Variants in PDLIM5 observed in about 807,000 individuals in gnomAD.
PDLIM5 encodes PDZ and LIM domain 5, also known as PDZ and LIM domain protein 5.
Under a neutral mutation model 64.2 loss-of-function variants are expected in PDLIM5, and 34 were observed. That is an observed-to-expected ratio of 0.53 (90% CI 0.40 to 0.71). PDLIM5 has a LOEUF of 0.71. Among genes scored for constraint, PDLIM5 ranks in the 30% least tolerant of loss-of-function variants. PDLIM5 has a pLI of 0.00. For synonymous variants in PDLIM5, 253 were observed against 269.1 expected (o/e 0.94, Z 0.59); for missense variants, 683 against 733.6 (o/e 0.93, Z 0.80).
intron 1 of PDLIM5, among the ~76,000 whole-genome samples, chr4:94,452,973 A>G (rs1055341762): frequency 6.6e-6 from 1 of 152,066 alleles, no homozygotes; most frequent in Non-Finnish European, 1.5e-5. Context: ...AGAGAATCTC[A>G]AGATATTTCT....
intron 2 of PDLIM5, chr4:94,456,013 G>C (rs768334467): frequency 1.4e-5 from 20 of 1,407,996 alleles, no homozygotes; most frequent in African/African-American, 2.9e-5. Context: ...TGATGATGAT[G>C]ATAGCACTGA....
Position 94,652,278 on chromosome 4 carries a change from G to T in PDLIM5, c.1284-2182G>T, listed in dbSNP as rs17021933. On this transcript the variant is annotated intron_variant, in intron 9 of 12. Coordinates refer to ENST00000317968, the MANE Select transcript of PDLIM5 (RefSeq NM_006457.5). ...AGCCTTATGGATGAGCTAAAGATGT[G>T]CCCTAGTAAAAAACTCACCCTAGTA... Among the ~76,000 whole-genome samples, 1,361 of 152,258 alleles carry T rather than the reference G, an allele frequency of 8.9e-3. 20 individuals are homozygous for T. Among genetic ancestry groups the T allele is most frequent in the African/African-American group, 0.03 (1,234 of 41,556 alleles).
intron 3 of PDLIM5, among the ~76,000 whole-genome samples, chr4:94,555,415 A>G (rs1367809796): frequency 4.6e-5 from 7 of 152,198 alleles, no homozygotes; most frequent in Non-Finnish European, 1.0e-4. Flanking sequence ...ACATAACCCC[A>G]TCATTAGTCT....
At position 94,451,948 on chromosome 4, in the gene PDLIM5, C is replaced by T; in HGVS notation, c.-90C>T. 6.6e-6 allele frequency: 1 copy of T among 152,404 alleles called. No homozygotes were observed. Among genetic ancestry groups the T allele is most frequent in the Non-Finnish European group, 1.5e-5 (1 of 68,118 alleles). The allele number at this position is 152,404 out of a possible 1,614,324, so 9.4% of individuals were successfully genotyped here. ...GGCGCCCTCACCGCGAGTCACTTGT[C>T]AGCCCTTGTCTGAGGCGGAGGCAGC... is the stretch of plus-strand genomic sequence containing the variant. On this transcript the variant is annotated 5_prime_UTR_variant, in exon 1 of 13. Transcript: ENST00000317968.
In PDLIM5 at chr4:94,456,202, A is replaced by G; in HGVS notation, c.96+818A>G. 6 of 458,082 alleles carry G rather than the reference A, an allele frequency of 1.3e-5. 1 individual carries two copies. In the South Asian group the frequency reaches 2.1e-4, roughly 16 times the overall value. 28.4% of individuals were successfully genotyped at this position (458,082 alleles called of 1,614,324 possible). Reference sequence around the variant, plus strand: ...TTACTCAAATGGTGGCATATTATACACACAGTTTTTTTTGAGACAGAGTTT... The same window carrying G: ...TTACTCAAATGGTGGCATATTATACGCACAGTTTTTTTTGAGACAGAGTTT... On this transcript the variant is annotated intron_variant, in intron 2 of 12. Transcript: ENST00000317968.
intron 2 of PDLIM5, among the ~76,000 whole-genome samples, chr4:94,472,090 A>T (rs1036238270): frequency 6.6e-6 from 1 of 152,116 alleles, no homozygotes; most frequent in African/African-American, 2.4e-5. Context: ...TCAAAATTCA[A>T]TTCTGCTTTT....
intron 2 of PDLIM5, among the ~76,000 whole-genome samples, chr4:94,485,699 C>G (rs1726253107): frequency 6.6e-6 from 1 of 150,842 alleles, no homozygotes; most frequent in Non-Finnish European, 1.5e-5. Flanking sequence ...CCCCAAAAAC[C>G]ACTAGCCGGG....
At position 94,479,057 on chromosome 4, in the gene PDLIM5, G is replaced by C. The variant is rs560148868; in HGVS notation, c.96+23673G>C. On this transcript the variant is annotated intron_variant, in intron 2 of 12. Transcript: ENST00000317968. ...TGGGACCACAGGCATGTGCCACCGG[G>C]GCTGGATAATTTTTTTTTTTTGGTA... Among the ~76,000 whole-genome samples, 16 of 150,758 alleles carry C rather than the reference G, an allele frequency of 1.1e-4. No individual in the cohort carries two copies. In the South Asian group the frequency reaches 3.4e-3, roughly 32 times the overall value.
At chr4:94,581,559 T>A (rs1735731573) in intron 5 of PDLIM5, among the ~76,000 whole-genome samples, 1 of 152,150 alleles carries the variant, frequency 6.6e-6, no homozygotes, top group Non-Finnish European at 1.5e-5. Context: ...ATCCTGCATC[T>A]CACCCTCACT....
In PDLIM5 at chr4:94,618,155, A is replaced by C. The variant is rs773106948; in HGVS notation, c.1072A>C (p.Ile358Leu). The C allele has an allele frequency of 1.2e-6, 2 of 1,606,448 alleles. No individual in the cohort carries two copies. The highest frequency in any genetic ancestry group is 2.2e-5 in the South Asian group (2 of 89,476). ...AFKPVGSTGVIKSPSWQRPNQ... is the reference protein window; with the variant it reads ...AFKPVGSTGVLKSPSWQRPNQ... Reference sequence around the variant, plus strand: ...CAAGCCTGTAGGATCCACTGGCGTCATCAAGTCACCAAGCTGGCAACGGCC... The same window carrying C: ...CAAGCCTGTAGGATCCACTGGCGTCCTCAAGTCACCAAGCTGGCAACGGCC... The change falls in exon 8 of 13, where the codon ATC (isoleucine) becomes CTC (leucine). Residue 358 changes from isoleucine (I) to leucine (L), a missense_variant. Transcript: ENST00000317968.
At chr4:94,465,240 G>A (rs913971762) in intron 2 of PDLIM5, among the ~76,000 whole-genome samples, 1 of 151,782 alleles carries the variant, frequency 6.6e-6, no homozygotes, top group Non-Finnish European at 1.5e-5. Flanking sequence ...AGTTCAATTC[G>A]GTCTCCTTTC....
rs1305907781 is a variant in PDLIM5 at position 94,664,126 on chromosome 4, C to T, written c.*59C>T. On this transcript the variant is annotated 3_prime_UTR_variant, in exon 13 of 13. Transcript: ENST00000317968. The stretch of plus-strand genomic sequence containing the variant: ...AAGAGAAAAAGGAAAATTAAAATTA[C>T]TAATTAATTTTTAGATTCAATATTT... The T allele has an allele frequency of 7.3e-7, 1 of 1,372,802 alleles. No individual in the cohort carries two copies. The highest frequency in any genetic ancestry group is 9.8e-7 in the Non-Finnish European group (1 of 1,020,092). The allele number at this position is 1,372,802 out of a possible 1,614,324, so 85.0% of individuals were successfully genotyped here.
chr4:94,597,666 T>C (rs187659871), intron 7 of PDLIM5, among the ~76,000 whole-genome samples: 1 of 152,148 alleles, frequency 6.6e-6, no homozygotes, highest in African/African-American at 2.4e-5. Flanking sequence ...GCTCAGGGTA[T>C]GTAGAGGACT....
chr4:94,608,620 A>G (rs575130949), intron 7 of PDLIM5, among the ~76,000 whole-genome samples: 12 of 152,314 alleles, frequency 7.9e-5, no homozygotes, highest in Non-Finnish European at 1.8e-4. Context: ...TTGTGATGCA[A>G]TATGATGAAA....
intron 2 of PDLIM5, among the ~76,000 whole-genome samples, chr4:94,512,562 A>C (rs1201149004): frequency 6.6e-6 from 1 of 151,800 alleles, no homozygotes; most frequent in East Asian, 1.9e-4. Context: ...TGCCATTTGT[A>C]CGTCTTTTGA....
intron 2 of PDLIM5, among the ~76,000 whole-genome samples, chr4:94,499,551 G>A (rs1344529356): frequency 2.0e-5 from 3 of 152,174 alleles, no homozygotes; most frequent in Non-Finnish European, 4.4e-5. Flanking sequence ...CATTTACATT[G>A]TGTTAAGCAT....
At chr4:94,523,960 G>A in intron 3 of PDLIM5, 85 bp downstream of exon 3, 1 of 917,476 alleles carries the variant, frequency 1.1e-6, no homozygotes, top group South Asian at 1.8e-5. Context: ...TGTTAACTAA[G>A]ACTCAGTTTC....
chr4:94,613,864 T>C (rs1738556340), intron 7 of PDLIM5, among the ~76,000 whole-genome samples: 1 of 152,094 alleles, frequency 6.6e-6, no homozygotes, highest in South Asian at 2.1e-4. Flanking sequence ...AATGCTATAC[T>C]ATATTAATAC....
At position 94,654,559 on chromosome 4, in the gene PDLIM5, G is replaced by A; in HGVS notation, c.1383G>A (p.Glu461=). The change falls in exon 10 of 13, where the codon GAG becomes GAA. Residue 461 remains glutamate, a synonymous_variant. Coordinates refer to ENST00000317968, the MANE Select transcript of PDLIM5 (RefSeq NM_006457.5). ...NTMAYIGFVE[E]KGALYCELCY... The stretch of plus-strand genomic sequence containing the variant: ...TGGCCTACATTGGATTTGTAGAGGA[G>A]AAAGGAGCCCTGTATTGTGAGCTGT... The A allele has an allele frequency of 6.2e-7, 1 of 1,612,646 alleles. No homozygotes were observed. The highest frequency in any genetic ancestry group is 1.1e-5 in the South Asian group (1 of 91,038).
Sources: allele counts gnomAD v4.1 joint callset (sites outside exome capture counted in the v4.1 genomes callset), GRCh38; gene constraint gnomAD v4.1.1; transcripts MANE v1.5; gene names NCBI Gene and HGNC (gene_info 2026-07-23, HGNC 2026-07-21).